KLF12: variants seen among roughly 807,000 people sequenced by gnomAD.
KLF12 encodes the protein KLF transcription factor 12, also known as Krueppel-like factor 12.
In KLF12, 9 loss-of-function variants were observed where a neutral mutation model predicts 37.8. That is an observed-to-expected ratio of 0.24 (90% CI 0.14 to 0.42). The LOEUF (loss-of-function observed/expected upper bound fraction) is 0.42. Ranked by LOEUF, KLF12 falls within the 10% of genes least tolerant of loss-of-function variation. The probability of loss-of-function intolerance (pLI) is 1.00; values close to 1 mark genes in which losing one functional copy is unlikely to be tolerated. For missense variants in KLF12, 411 were observed against 516.0 expected (o/e 0.80, Z 1.97); for synonymous variants, 208 against 202.1 (o/e 1.03, Z -0.25).
At chr13:73,848,364 G>T (rs1359447356) in intron 3 of KLF12, among the ~76,000 whole-genome samples, 1 of 152,012 alleles carries the variant, frequency 6.6e-6, no homozygotes, top group Non-Finnish European at 1.5e-5. Context: ...GAGGCACCAA[G>T]TTTTACTGAG....
intron 5 of KLF12, among the ~76,000 whole-genome samples, chr13:73,783,360 T>C (rs1363415337): frequency 6.6e-6 from 1 of 152,086 alleles, no homozygotes; most frequent in Non-Finnish European, 1.5e-5. Context: ...GAGATGTTCA[T>C]TAATGGGTAC....
At chr13:74,283,189 C>T in the KLF12 span, among the ~76,000 whole-genome samples, 1 of 152,198 alleles carries the variant, frequency 6.6e-6, no homozygotes, top group Non-Finnish European at 1.5e-5. Flanking sequence ...AGCAAATCAT[C>T]TAAGCCAGTT....
chr13:73,860,180 C>T (rs1885844358), intron 3 of KLF12, among the ~76,000 whole-genome samples: 1 of 152,126 alleles, frequency 6.6e-6, no homozygotes, highest in Admixed American at 6.6e-5. Context: ...TTGCACAGTT[C>T]AGGTGTCTGT....
At chr13:73,742,794 G>A (rs1051553901) in intron 6 of KLF12, among the ~76,000 whole-genome samples, 2 of 152,274 alleles carry the variant, frequency 1.3e-5, no homozygotes, top group South Asian at 4.1e-4. Flanking sequence ...ACAGTGCTGA[G>A]AAGATGAAAT....
the KLF12 span, among the ~76,000 whole-genome samples, chr13:74,204,141 C>G: frequency 1.3e-5 from 2 of 152,046 alleles, no homozygotes; most frequent in Non-Finnish European, 2.9e-5. Context: ...TTTTTAAATT[C>G]CAGTTTTTTA....
chr13:73,733,729 A>C (rs1877241329), intron 6 of KLF12, among the ~76,000 whole-genome samples: 1 of 152,178 alleles, frequency 6.6e-6, no homozygotes, highest in African/African-American at 2.4e-5. Context: ...TTTTTAAGGA[A>C]TCACCAAACT....
chr13:74,208,255 C>T, the KLF12 span, among the ~76,000 whole-genome samples: 1 of 152,134 alleles, frequency 6.6e-6, no homozygotes, highest in African/African-American at 2.4e-5. Flanking sequence ...TGAAATCTGT[C>T]TAACCTATAT....
At chr13:74,068,952 A>T (rs538157710) in intron 1 of KLF12, among the ~76,000 whole-genome samples, 1 of 152,180 alleles carries the variant, frequency 6.6e-6, no homozygotes, top group South Asian at 2.1e-4. Flanking sequence ...ATTGATTCTT[A>T]CTTCTGTCAA....
At chr13:73,748,478 T>C (rs562399756) in intron 6 of KLF12, among the ~76,000 whole-genome samples, 1 of 152,212 alleles carries the variant, frequency 6.6e-6, no homozygotes, top group South Asian at 2.1e-4. Flanking sequence ...GGGATTAGTG[T>C]ACTTTTATAA....
intron 3 of KLF12, among the ~76,000 whole-genome samples, chr13:73,881,166 A>G (rs1356896776): frequency 6.6e-6 from 1 of 151,976 alleles, no homozygotes; most frequent in East Asian, 1.9e-4. Context: ...CCATTTTTAT[A>G]AGTCATATAT....
chr13:74,170,685 T>C, the KLF12 span, among the ~76,000 whole-genome samples: 1 of 152,236 alleles, frequency 6.6e-6, no homozygotes. Flanking sequence ...CAAATTTTCC[T>C]AATCTGCTTC....
At chr13:73,698,471 C>T (rs1874306693) in intron 7 of KLF12, among the ~76,000 whole-genome samples, 1 of 152,104 alleles carries the variant, frequency 6.6e-6, no homozygotes, top group Non-Finnish European at 1.5e-5. Flanking sequence ...TGATACCAGT[C>T]ATACTTTCAT....
chr13:74,092,356 T>C (rs1482095540), intron 1 of KLF12, among the ~76,000 whole-genome samples: 4 of 148,760 alleles, frequency 2.7e-5, no homozygotes, highest in Admixed American at 1.3e-4. Flanking sequence ...CAAAGGATAC[T>C]ATCAAGAAAA....
chr13:73,816,493 C>T (rs767535948), intron 4 of KLF12, among the ~76,000 whole-genome samples: 13 of 152,184 alleles, frequency 8.5e-5, no homozygotes, highest in Non-Finnish European at 1.8e-4. Context: ...TGGAATCCTA[C>T]GTGAGTTTCA....
the KLF12 span, among the ~76,000 whole-genome samples, chr13:74,225,530 T>G: frequency 3.3e-5 from 5 of 152,170 alleles, no homozygotes; most frequent in Admixed American, 6.6e-5. Flanking sequence ...TAATTACTTA[T>G]TTGTATAGTA....
the KLF12 span, among the ~76,000 whole-genome samples, chr13:74,182,232 A>G: frequency 6.6e-6 from 1 of 152,338 alleles, no homozygotes; most frequent in South Asian, 2.1e-4. Context: ...AAGGAGAAAA[A>G]TAAACAAATT....
intron 1 of KLF12, among the ~76,000 whole-genome samples, chr13:74,048,340 T>A (rs1212452556): frequency 2.0e-5 from 3 of 152,134 alleles, no homozygotes; most frequent in African/African-American, 7.2e-5. Context: ...ACACTCAGCC[T>A]CTCTCACAGC....
At chr13:73,851,473 G>C (rs1442575410) in intron 3 of KLF12, among the ~76,000 whole-genome samples, 1 of 152,120 alleles carries the variant, frequency 6.6e-6, no homozygotes, top group African/African-American at 2.4e-5. Context: ...TTGGCCCACA[G>C]GAAGATCATG....
At chr13:74,123,278 T>TA (rs1361363522) in intron 1 of KLF12, among the ~76,000 whole-genome samples, 1 of 152,172 alleles carries the variant, frequency 6.6e-6, no homozygotes, top group Non-Finnish European at 1.5e-5. Context: ...AGAAAAAACT[T>TA]ACGAAACTAC....
Sources: gnomAD v4.1 joint callset for allele counts (sites outside exome capture counted in the v4.1 genomes callset) on GRCh38, gnomAD v4.1.1 for gene constraint, MANE v1.5 for transcripts, NCBI Gene and HGNC (gene_info 2026-07-23, HGNC 2026-07-21) for gene names.